Variants in ITIH5 observed in about 807,000 individuals in gnomAD.
ITIH5 encodes inter-alpha-trypsin inhibitor heavy chain H5.
ITIH5 carries 65 observed loss-of-function variants against 77.5 expected under a neutral mutation model. The observed-to-expected ratio is 0.84, with a 90% CI of 0.69 to 1.03. The LOEUF (loss-of-function observed/expected upper bound fraction) is 1.03. Among genes scored for constraint, ITIH5 ranks in the 50% least tolerant of loss-of-function variants. The pLI is 0.00. For missense variants in ITIH5, 1,208 were observed against 1,213.1 expected, an observed-to-expected ratio of 1.00 and a Z score of 0.06; for synonymous variants, 525 against 494.3, an observed-to-expected ratio of 1.06 and a Z score of -0.82.
Position 7,580,050 on chromosome 10 carries a change from C to G in ITIH5, c.1123G>C (p.Gly375Arg), listed in dbSNP as rs781514077. 1 of 1,603,662 alleles carries G rather than the reference C, an allele frequency of 6.2e-7. No homozygotes were observed. The highest frequency in any genetic ancestry group is 8.5e-7 in the Non-Finnish European group (1 of 1,176,682). The change falls in exon 9 of 14, where the codon GGG (glycine) becomes CGG (arginine). Residue 375 changes from glycine (G) to arginine (R), a missense_variant. By Grantham distance (125) the Gly-to-Arg change is moderately radical (BLOSUM62 -2). Transcript: ENST00000397146. ...AGCCTGATGGCCCTCTGCAGGGCCC[C>G]GTTGATGTCTGTGCCTGCAGGACAC... ...MSPTGGTDIN[G>R]ALQRAIRLLN... is the part of the protein sequence containing the mutation.
chr10:7,613,945 C>T (rs1436487071), intron 7 of ITIH5, among the ~76,000 whole-genome samples: 1 of 152,114 alleles, frequency 6.6e-6, no homozygotes. Flanking sequence ...TTTTTATTCC[C>T]CCAGAGATCT....
At chr10:7,602,782 G>T (rs141476882) in intron 7 of ITIH5, among the ~76,000 whole-genome samples, 61 of 152,138 alleles carry the variant, frequency 4.0e-4, no homozygotes, top group Non-Finnish European at 6.9e-4. Context: ...TGGTTCCAAA[G>T]TCTCAAGAAT....
intron 8 of ITIH5, among the ~76,000 whole-genome samples, chr10:7,583,073 C>T (rs1832600053): frequency 6.6e-6 from 1 of 152,124 alleles, no homozygotes; most frequent in African/African-American, 2.4e-5. Flanking sequence ...CAATGTATGC[C>T]TGTATCAAAA....
At chr10:7,586,826 G>C (rs1832688356) in intron 7 of ITIH5, among the ~76,000 whole-genome samples, 1 of 144,662 alleles carries the variant, frequency 6.9e-6, no homozygotes, top group Admixed American at 7.1e-5. Flanking sequence ...GAACTGGAAG[G>C]GCATTCTTCT....
At chr10:7,597,325 T>C (rs1832924096) in intron 7 of ITIH5, among the ~76,000 whole-genome samples, 2 of 152,100 alleles carry the variant, frequency 1.3e-5, no homozygotes, top group African/African-American at 4.8e-5. Context: ...TCAGTGCCCC[T>C]TGGTGGGTGG....
At position 7,564,998 on chromosome 10, in the gene ITIH5, C is replaced by G. The variant is rs1219984294; in HGVS notation, c.2527+1032G>C. Among the ~76,000 whole-genome samples the G allele has an allele frequency of 2.2e-5, 3 of 133,974 alleles. No individual in the cohort carries two copies. The East Asian group carries it at 6.1e-4, about 27-fold the overall frequency. The allele number at this position is 133,974 out of a possible 152,430, so 87.9% of individuals were successfully genotyped here. The stretch of plus-strand genomic sequence containing the variant: ...ATACACACACGTTCATACATATAGA[C>G]TGTATACCTACATATATACATATAT... On this transcript the variant is annotated intron_variant, in intron 13 of 13. Transcript: ENST00000397146.
chr10:7,623,807 A>AG (rs1311669713), intron 5 of ITIH5, among the ~76,000 whole-genome samples: 1 of 151,290 alleles, frequency 6.6e-6, no homozygotes, highest in African/African-American at 2.4e-5. Flanking sequence ...CATCTCAAAA[A>AG]AAAAAAAAAA....
intron 5 of ITIH5, among the ~76,000 whole-genome samples, chr10:7,623,802 CAAAAA>C (rs55790282): frequency 1.2e-5 from 1 of 80,368 alleles, no homozygotes; most frequent in African/African-American, 4.9e-5. Flanking sequence ...GACTCCATCT[CAAAAA>C]AAAAAAAAAA....
intron 7 of ITIH5, among the ~76,000 whole-genome samples, chr10:7,593,887 T>G (rs1280534953): frequency 6.6e-6 from 1 of 152,248 alleles, no homozygotes; most frequent in Admixed American, 6.5e-5. Flanking sequence ...CCACTGGCTC[T>G]GTTAACCCTT....
chr10:7,665,914 C>T (rs1834354269), intron 1 of ITIH5, among the ~76,000 whole-genome samples: 1 of 152,204 alleles, frequency 6.6e-6, no homozygotes, highest in Non-Finnish European at 1.5e-5. Context: ...ATGAAGATAA[C>T]TGTCTTCATA....
At chr10:7,659,981 G>A (rs745927707) in intron 1 of ITIH5, among the ~76,000 whole-genome samples, 4 of 152,148 alleles carry the variant, frequency 2.6e-5, no homozygotes, top group Non-Finnish European at 4.4e-5. Flanking sequence ...CCCAGCTTCA[G>A]GCAAAACTAC....
rs1564277806 is a variant in ITIH5, at chr10:7,644,646, T to TATATATCATATATATCACATATATATCAC, written c.136-2557_136-2556insGTGATATATATGTGATATATATGATATAT. On this transcript the variant is annotated intron_variant, in intron 2 of 13. Coordinates refer to ENST00000397146, the MANE Select transcript of ITIH5 (RefSeq NM_030569.7). The stretch of plus-strand genomic sequence containing the variant: ...TATCACATATATCACATATATATCA[T>TATATATCATATATATCACATATATATCAC]ATATATCACATATATATCATATATA... Among the ~76,000 whole-genome samples, 23 of 88,138 alleles carry TATATATCATATATATCACATATATATCAC rather than the reference T, an allele frequency of 2.6e-4. 1 individual carries two copies. Among genetic ancestry groups the TATATATCATATATATCACATATATATCAC allele is most frequent in the South Asian group, 4.2e-4 (1 of 2,384 alleles). The allele number at this position is 88,138 out of a possible 152,430, so 57.8% of individuals were successfully genotyped here.
At chr10:7,600,494 G>A (rs1339811572) in intron 7 of ITIH5, 2 of 456,262 alleles carry the variant, frequency 4.4e-6, no homozygotes, top group South Asian at 1.6e-5. Context: ...CCAGAAATGA[G>A]CCCGGTCTCT....
chr10:7,647,434 C>T (rs552689666), intron 2 of ITIH5, among the ~76,000 whole-genome samples: 1 of 152,320 alleles, frequency 6.6e-6, no homozygotes, highest in South Asian at 2.1e-4. Context: ...AACTGAACAC[C>T]CCAGAGCAAC....
chr10:7,624,849 A>ATG (rs1363970629), intron 5 of ITIH5, among the ~76,000 whole-genome samples: 2 of 109,822 alleles, frequency 1.8e-5, no homozygotes, highest in African/African-American at 7.4e-5. Flanking sequence ...ATATACACAT[A>ATG]TATATGTGTA....
chr10:7,619,121 T>C (rs959425943), intron 5 of ITIH5: 3 of 152,214 alleles, frequency 2.0e-5, no homozygotes, highest in African/African-American at 7.2e-5. Context: ...ACCAGCATGG[T>C]TGAAGATGCC....
chr10:7,616,068 C>A lies in ITIH5; in HGVS notation c.853G>T (p.Ala285Ser). The A allele has an allele frequency of 6.2e-7, 1 of 1,611,438 alleles. No individual in the cohort carries two copies. Among genetic ancestry groups the A allele is most frequent in the Non-Finnish European group, 8.5e-7 (1 of 1,177,632 alleles). Residue 285 changes from alanine to serine, a missense_variant, in exon 7 of 14, where the codon GCT (alanine) becomes TCT (serine). Physicochemically the swap from Ala to Ser is moderately conservative, Grantham distance 99 (BLOSUM62 1). Coordinates refer to ENST00000397146, the MANE Select transcript of ITIH5 (RefSeq NM_030569.7). ...VLNGYFVHYF[A>S]PKDLPPLPKN... ...GGTAAAGGAGGAAGGTCTTTAGGAGCAAAGTAGTGCACAAAATAGCCATTT... is the reference window on the plus strand; with the variant it reads ...GGTAAAGGAGGAAGGTCTTTAGGAGAAAAGTAGTGCACAAAATAGCCATTT...
intron 7 of ITIH5, among the ~76,000 whole-genome samples, chr10:7,590,766 C>A (rs1448766928): frequency 6.6e-6 from 1 of 152,204 alleles, no homozygotes; most frequent in Non-Finnish European, 1.5e-5. Context: ...TACGTGGAAG[C>A]GGAGCGACAA....
intron 7 of ITIH5, among the ~76,000 whole-genome samples, chr10:7,592,798 C>T (rs545322186): frequency 5.3e-5 from 8 of 152,272 alleles, no homozygotes; most frequent in African/African-American, 1.7e-4. Context: ...ACAGACCCTG[C>T]GCACTCACAG....
Sources: allele counts gnomAD v4.1 joint callset (sites outside exome capture counted in the v4.1 genomes callset), GRCh38; gene constraint gnomAD v4.1.1; transcripts MANE v1.5; gene names NCBI Gene and HGNC (gene_info 2026-07-23, HGNC 2026-07-21).